Variants in STARD3 observed in about 807,000 individuals in gnomAD.
STARD3 encodes StAR related lipid transfer domain containing 3.
A neutral mutation model predicts 62.0 loss-of-function variants in STARD3; 39 were observed. That is an observed-to-expected ratio of 0.63 (90% CI 0.49 to 0.82). The LOEUF is 0.82. STARD3 is among the 40% of genes least tolerant of loss of function. STARD3 has a pLI of 0.00. For synonymous variants in STARD3, 229 were observed against 242.4 expected (o/e 0.94, Z 0.51); for missense variants, 543 against 584.5 (o/e 0.93, Z 0.73).
At chr17:39,654,523 C>A (rs554748518) in intron 2 of STARD3, among the ~76,000 whole-genome samples, 2 of 152,012 alleles carry the variant, frequency 1.3e-5, no homozygotes, top group African/African-American at 4.8e-5. Context: ...GCCCCACCCC[C>A]ACCCCACGCA....
chr17:39,639,731 T>C (rs2056966620), intron 1 of STARD3, among the ~76,000 whole-genome samples: 1 of 152,242 alleles, frequency 6.6e-6, no homozygotes, highest in Admixed American at 6.5e-5. Context: ...GGAGGCCTAG[T>C]ACCTGGTGTT....
chr17:39,659,555 TAAGAA>T lies in STARD3; in HGVS notation c.795+3_795+7del. On this transcript the variant is annotated splice_donor_5th_base_variant and intron_variant, in intron 9 of 14. Transcript: ENST00000336308. The stretch of plus-strand genomic sequence containing the variant: ...AACTGGAAGTTTGAGAAGAATAATG[TAAGAA>T]GCCCTCTCCCACCTGACCTTCCCAT... The T allele has an allele frequency of 6.2e-7, 1 of 1,613,884 alleles. No individual in the cohort carries two copies. Among genetic ancestry groups the T allele is most frequent in the South Asian group, 1.1e-5 (1 of 91,068 alleles).
intron 1 of STARD3, among the ~76,000 whole-genome samples, chr17:39,651,333 C>T (rs1427467959): frequency 6.6e-6 from 1 of 152,226 alleles, no homozygotes; most frequent in East Asian, 1.9e-4. Flanking sequence ...CTGAGGGGCC[C>T]AGGAAGGTAG....
At chr17:39,658,946 A>G in intron 7 of STARD3, 105 bp from the exon 8 acceptor site, 1 of 1,561,222 alleles carries the variant, frequency 6.4e-7, no homozygotes, top group South Asian at 1.1e-5. Flanking sequence ...CCTCTCCCAC[A>G]CACTTTTATC....
chr17:39,643,783 A>G (rs1383395282), intron 1 of STARD3, among the ~76,000 whole-genome samples: 1 of 152,190 alleles, frequency 6.6e-6, no homozygotes. Flanking sequence ...TTCTCTGGAG[A>G]AGAGCAGGAA....
At chr17:39,647,042 A>G (rs2057032801) in intron 1 of STARD3, among the ~76,000 whole-genome samples, 1 of 152,008 alleles carries the variant, frequency 6.6e-6, no homozygotes, top group Admixed American at 6.6e-5. Flanking sequence ...TCTACTAAAA[A>G]TACATAAATA....
At position 39,658,443 on chromosome 17, in the gene STARD3, C is replaced by T. The variant is rs778286889; in HGVS notation, c.468C>T (p.Ile156=). Residue 156 remains isoleucine (I), a synonymous_variant, in exon 6 of 15, where the codon ATC becomes ATT. Transcript: ENST00000336308. ...GGGCATTTGGCTACCTGCTCCCCATCGTCTCTTTTGTCCTCGCCTGGTTGG... is the reference window on the plus strand; with the variant it reads ...GGGCATTTGGCTACCTGCTCCCCATTGTCTCTTTTGTCCTCGCCTGGTTGG... The part of the protein sequence containing the change: ...SKGAFGYLLP[I]VSFVLAWLET... 5.0e-6 allele frequency: 8 copies of T among 1,614,176 alleles called. No individual in the cohort carries two copies. In the South Asian group the frequency reaches 5.5e-5, roughly 11 times the overall value.
At chr17:39,638,964 A>AC (rs1288646808) in intron 1 of STARD3, among the ~76,000 whole-genome samples, 12 of 152,074 alleles carry the variant, frequency 7.9e-5, no homozygotes, top group Non-Finnish European at 1.8e-4. Context: ...ACATAGTGAG[A>AC]CCCCATCGCT....
chr17:39,640,519 C>G (rs922611613), intron 1 of STARD3, among the ~76,000 whole-genome samples: 1 of 151,674 alleles, frequency 6.6e-6, no homozygotes, highest in Non-Finnish European at 1.5e-5. Context: ...CCAACCCCCC[C>G]ACCCCTTGTC....
In STARD3 at chr17:39,664,030, T is replaced by C. The variant is rs2057232190; in HGVS notation, c.*1122T>C. 1.3e-5 allele frequency among the ~76,000 whole-genome samples: 2 copies of C among 152,216 alleles called. No homozygotes were observed. The highest frequency in any genetic ancestry group is 4.1e-4 in the South Asian group (2 of 4,834). On this transcript the variant is annotated 3_prime_UTR_variant, in exon 15 of 15. Transcript: ENST00000336308. ...TGGCCTGCCCCCTTGCCTGCCTGCA[T>C]GCAGGCTTCCAGCAGAGCCAGCTTC...
At chr17:39,656,622 G>A (rs2057132918) in intron 2 of STARD3, among the ~76,000 whole-genome samples, 1 of 152,176 alleles carries the variant, frequency 6.6e-6, no homozygotes. Flanking sequence ...TGGCTGGGAA[G>A]ATGGAGCACC....
chr17:39,659,266 G>T (rs942215169), intron 8 of STARD3, among the ~76,000 whole-genome samples, 160 bp downstream of exon 8: 42 of 152,178 alleles, frequency 2.8e-4, no homozygotes, highest in Non-Finnish European at 5.6e-4. Flanking sequence ...GGCCCCCCTG[G>T]TCTGCCTCAT....
chr17:39,663,390 T>C lies in STARD3; in HGVS notation c.*482T>C, dbSNP rs1447381752. On this transcript the variant is annotated 3_prime_UTR_variant, in exon 15 of 15. Transcript: ENST00000336308. Reference sequence around the variant, plus strand: ...GGGGGTGGGCTGCTGGCCATGAATCTCTGCCTCTCCCAGGCTGTCCCCCTC... The same window carrying C: ...GGGGGTGGGCTGCTGGCCATGAATCCCTGCCTCTCCCAGGCTGTCCCCCTC... The C allele has an allele frequency of 3.9e-6, 1 of 255,806 alleles. No individual in the cohort carries two copies. The highest frequency in any genetic ancestry group is 7.4e-6 in the Non-Finnish European group (1 of 135,652). The allele number at this position is 255,806 out of a possible 1,614,324, so 15.8% of individuals were successfully genotyped here.
chr17:39,645,636 AT>A (rs1251013001), intron 1 of STARD3, among the ~76,000 whole-genome samples: 1 of 151,812 alleles, frequency 6.6e-6, no homozygotes, highest in Non-Finnish European at 1.5e-5. Flanking sequence ...TGCCTGGCTA[AT>A]TTTTTTGTAT....
Position 39,658,425 on chromosome 17 carries a change from TGGCTACCTGCTCCCCATC to T in STARD3, c.452_469del (p.Gly151_Ile156del). ...CACAGCTGCTCAGCAAAGGGGCATT[TGGCTACCTGCTCCCCATC>T]GTCTCTTTTGTCCTCGCCTGGTTGG... is the stretch of plus-strand genomic sequence containing the variant. On this transcript the variant is annotated inframe_deletion, in exon 6 of 15. Transcript: ENST00000336308. The T allele has an allele frequency of 6.2e-7, 1 of 1,614,152 alleles. No homozygotes were observed. Among genetic ancestry groups the T allele is most frequent in the South Asian group, 1.1e-5 (1 of 91,088 alleles).
chr17:39,654,440 A>G (rs1406185748), intron 2 of STARD3, among the ~76,000 whole-genome samples: 1 of 152,224 alleles, frequency 6.6e-6, no homozygotes, highest in East Asian at 1.9e-4. Context: ...CACAGTGGGA[A>G]GCAAAACAGG....
intron 9 of STARD3, chr17:39,659,964 T>C (rs1258349578): frequency 1.4e-5 from 8 of 572,318 alleles, no homozygotes; most frequent in Non-Finnish European, 1.6e-5. Context: ...CCTGGAGACA[T>C]GGTTTTTTGT....
intron 2 of STARD3, among the ~76,000 whole-genome samples, chr17:39,656,707 C>T (rs1159336232): frequency 6.6e-6 from 1 of 152,142 alleles, no homozygotes; most frequent in Non-Finnish European, 1.5e-5. Flanking sequence ...GTATAGGGCG[C>T]ATTGCCTCCC....
At chr17:39,646,409 C>T (rs1485568711) in intron 1 of STARD3, among the ~76,000 whole-genome samples, 1 of 152,058 alleles carries the variant, frequency 6.6e-6, no homozygotes, top group African/African-American at 2.4e-5. Context: ...TGTGTTACCA[C>T]GCCTGGCAAA....
Sources: allele counts gnomAD v4.1 joint callset (sites outside exome capture counted in the v4.1 genomes callset), GRCh38; gene constraint gnomAD v4.1.1; transcripts MANE v1.5; gene names NCBI Gene and HGNC (gene_info 2026-07-23, HGNC 2026-07-21).